The following VPS13C variants were observed in gnomAD, a reference collection of about 807,000 sequenced individuals.
VPS13C encodes the protein intermembrane lipid transfer protein VPS13C.
In VPS13C, 358 loss-of-function variants were observed where a neutral mutation model predicts 456.8. That is an observed-to-expected ratio of 0.78 (90% CI 0.72 to 0.86). The LOEUF (loss-of-function observed/expected upper bound fraction) is 0.86, where lower values mean the gene tolerates loss of function less well. Ranked by LOEUF, VPS13C falls within the 40% of genes least tolerant of loss-of-function variation. The probability of loss-of-function intolerance (pLI) is 0.00; values close to 1 mark genes in which losing one functional copy is unlikely to be tolerated. For synonymous variants in VPS13C, 1,578 were observed against 1,486.7 expected (o/e 1.06, Z -1.41); for missense variants, 4,818 against 4,385.4 (o/e 1.10, Z -2.79).
Position 61,959,585 on chromosome 15 carries a change from G to A in VPS13C, c.3919C>T (p.Gln1307Ter). Residue 1307 changes from glutamine (Q) to a stop codon, truncating the protein, a stop_gained, in exon 36 of 85, where the codon CAG becomes TAG. Coordinates refer to ENST00000644861, the MANE Select transcript of VPS13C (RefSeq NM_020821.3). LOFTEE classifies it high-confidence loss of function. ...ATATCAGGATGGTAGATGCCTGGCTGGATCACTGTCCTACGAAAAACAGAA... is the reference window on the plus strand; with the variant it reads ...ATATCAGGATGGTAGATGCCTGGCTAGATCACTGTCCTACGAAAAACAGAA... ...TKLTLYRTVI[Q>*]PGIYHPDIQL... The A allele has an allele frequency of 6.2e-7, 1 of 1,610,554 alleles. No homozygotes were observed. Among genetic ancestry groups the A allele is most frequent in the Non-Finnish European group, 8.5e-7 (1 of 1,177,802 alleles).
intron 9 of VPS13C, among the ~76,000 whole-genome samples, chr15:62,019,712 G>A (rs2047387890): frequency 6.6e-6 from 1 of 151,982 alleles, no homozygotes; most frequent in Non-Finnish European, 1.5e-5. Flanking sequence ...TTCCAACTAT[G>A]TGGTCAATTT....
At chr15:61,865,680 TTGTA>T (rs1404723093) in intron 81 of VPS13C, 1 of 384,362 alleles carries the variant, frequency 2.6e-6, no homozygotes, top group East Asian at 1.6e-4. Context: ...ATGTGTATAT[TTGTA>T]TGTGTATATA....
At chr15:61,981,076 C>T (rs140294270) in intron 22 of VPS13C, among the ~76,000 whole-genome samples, 212 of 152,246 alleles carry the variant, frequency 1.4e-3, no homozygotes, top group Non-Finnish European at 2.2e-3. Context: ...ATGAAAACTA[C>T]GAATGCTTCT....
At chr15:61,886,362 G>A (rs1896271317) in intron 67 of VPS13C, among the ~76,000 whole-genome samples, 1 of 152,108 alleles carries the variant, frequency 6.6e-6, no homozygotes, top group South Asian at 2.1e-4. Flanking sequence ...CTTCAGCAGA[G>A]CTGTAGTTCC....
chr15:61,965,702 G>A (rs1162298144), intron 30 of VPS13C, among the ~76,000 whole-genome samples: 1 of 151,742 alleles, frequency 6.6e-6, no homozygotes, highest in African/African-American at 2.4e-5. Context: ...CGTAAGTAGT[G>A]CTTTGACTTC....
chr15:61,929,282 T>G (rs1376103307), intron 51 of VPS13C, among the ~76,000 whole-genome samples: 1 of 152,326 alleles, frequency 6.6e-6, no homozygotes, highest in South Asian at 2.1e-4. Flanking sequence ...CATGGCACAG[T>G]TGGAACCAGC....
At chr15:61,900,792 G>A (rs1419748874) in intron 66 of VPS13C, among the ~76,000 whole-genome samples, 18 of 151,332 alleles carry the variant, frequency 1.2e-4, no homozygotes, top group East Asian at 3.9e-4. Context: ...AAAAGAGCCC[G>A]CATTGCCAAG....
chr15:62,029,526 T>C (rs1282973171), intron 5 of VPS13C, among the ~76,000 whole-genome samples: 1 of 152,082 alleles, frequency 6.6e-6, no homozygotes, highest in Non-Finnish European at 1.5e-5. Flanking sequence ...TACACCTTCA[T>C]AGTGTCTACC....
At chr15:61,989,327 G>C (rs958084553) in intron 18 of VPS13C, among the ~76,000 whole-genome samples, 3 of 152,070 alleles carry the variant, frequency 2.0e-5, no homozygotes, top group African/African-American at 7.2e-5. Flanking sequence ...CTTCAACCCA[G>C]GAGGCAGAGG....
At position 61,941,887 on chromosome 15, in the gene VPS13C, C is replaced by T. The variant is rs756159914; in HGVS notation, c.5329G>A (p.Val1777Ile). 2.5e-6 allele frequency: 4 copies of T among 1,613,988 alleles called. No individual in the cohort carries two copies. The Admixed American group carries it at 5.0e-5, about 20-fold the overall frequency. Residue 1777 changes from valine to isoleucine, a missense_variant, in exon 46 of 85, where the codon GTT becomes ATT. Val to Ile is a conservative substitution (Grantham distance 29, BLOSUM62 3). Coordinates refer to ENST00000644861, the MANE Select transcript of VPS13C (RefSeq NM_020821.3). ...IPQSSVSPNA[V>I]IADLGLIRVE... Reference sequence around the variant, plus strand: ...CTGATTAAACCCAGATCTGCTATAACAGCATTAGGTGATACTGAAGACTGA... The same window carrying T: ...CTGATTAAACCCAGATCTGCTATAATAGCATTAGGTGATACTGAAGACTGA...
At chr15:61,925,015 C>G (rs2043798042) in intron 53 of VPS13C, among the ~76,000 whole-genome samples, 1 of 152,108 alleles carries the variant, frequency 6.6e-6, no homozygotes, top group Non-Finnish European at 1.5e-5. Context: ...TAGTGTACAT[C>G]TGTCATTATA....
intron 22 of VPS13C, among the ~76,000 whole-genome samples, 189 bp from the exon 23 acceptor site, chr15:61,978,938 A>C (rs1050486692): frequency 3.9e-5 from 6 of 152,192 alleles, no homozygotes; most frequent in African/African-American, 7.2e-5. Flanking sequence ...TTCAGCATAC[A>C]TCTCTACTAA....
At chr15:62,056,026 T>C (rs1017615097) in intron 1 of VPS13C, among the ~76,000 whole-genome samples, 1 of 152,152 alleles carries the variant, frequency 6.6e-6, no homozygotes, top group Non-Finnish European at 1.5e-5. Context: ...CTGTCAAATA[T>C]ACCCTGGGTA....
chr15:61,952,098 G>T, intron 38 of VPS13C, 118 bp from the exon 39 acceptor site: 1 of 1,163,726 alleles, frequency 8.6e-7, no homozygotes, highest in Non-Finnish European at 1.2e-6. Context: ...ATGTTAAGAT[G>T]TGTACTTCTA....
Position 61,919,312 on chromosome 15 carries a change from T to C in VPS13C, c.7615A>G (p.Ile2539Val). The C allele has an allele frequency of 1.5e-5, 24 of 1,605,328 alleles. No homozygotes were observed. Among genetic ancestry groups the C allele is most frequent in the Non-Finnish European group, 2.0e-5 (24 of 1,176,324 alleles). ...QIDATEGNKVITLRSPLQIKN... is the reference protein window; with the variant it reads ...QIDATEGNKVVTLRSPLQIKN... ...ACCTGTAGAGGAGAGCGAAGGGTAA[T>C]TACTTTATTCCCTTCAGTTGCATCA... is the stretch of plus-strand genomic sequence containing the variant. Residue 2539 changes from isoleucine (I) to valine (V), a missense_variant, in exon 58 of 85, where the codon ATT becomes GTT. By Grantham distance (29) the Ile-to-Val change is conservative. Around this residue, in one of 3 missense-constraint regions of VPS13C, gnomAD observed 4,552 missense variants for 4,130.6 expected, o/e 1.10. Transcript: ENST00000644861.
At chr15:62,006,284 G>T (rs1220521026) in intron 15 of VPS13C, among the ~76,000 whole-genome samples, 1 of 151,972 alleles carries the variant, frequency 6.6e-6, no homozygotes, top group Non-Finnish European at 1.5e-5. Context: ...TCCCCGGTGT[G>T]TGATGTTCCC....
At chr15:61,929,996 GCATTATAATGCAATTTTTGAGTATTA>G (rs568071627) in intron 50 of VPS13C, among the ~76,000 whole-genome samples, 172 of 152,078 alleles carry the variant, frequency 1.1e-3, no homozygotes, top group Non-Finnish European at 1.9e-3. Flanking sequence ...ATATGTTATT[GCATTATAATGCAATTTTTGAGTATTA>G]CATTATAATG....
chr15:61,984,900 G>A lies in VPS13C; in HGVS notation c.1678C>T (p.Leu560=), dbSNP rs2045993886. Residue 560 remains leucine, a synonymous_variant, in exon 19 of 85, where the codon CTG becomes TTG. Transcript: ENST00000644861. ...GGTCGCTGAGATACTTGAGTGCCCA[G>A]GCCAATTATCTGAATTTTTAGTATT... ...PEILKIQIIG[L]GTQVSQRPGA... 1.9e-6 allele frequency: 3 copies of A among 1,612,686 alleles called. No individual in the cohort carries two copies. The highest frequency in any genetic ancestry group is 2.5e-6 in the Non-Finnish European group (3 of 1,179,578).
At chr15:61,907,073 C>T in intron 66 of VPS13C, 191 bp downstream of exon 66, 1 of 629,160 alleles carries the variant, frequency 1.6e-6, no homozygotes, top group Non-Finnish European at 2.6e-6. Flanking sequence ...AAATAAATTA[C>T]TTTGATAGAG....
Sources: allele counts gnomAD v4.1 joint callset (sites outside exome capture counted in the v4.1 genomes callset), GRCh38; gene constraint gnomAD v4.1.1; regional missense constraint gnomAD v4.1.1; transcripts MANE v1.5; gene names NCBI Gene and HGNC (gene_info 2026-07-23, HGNC 2026-07-21).